Variants in CEP350 observed in about 807,000 individuals in gnomAD.
The protein encoded by CEP350 is centrosomal protein 350.
A neutral mutation model predicts 331.8 loss-of-function variants in CEP350; 126 were observed. The ratio of observed to expected loss-of-function variants is 0.38; its 90% CI spans 0.33 to 0.44. The LOEUF is 0.44. Among genes scored for constraint, CEP350 ranks in the 20% least tolerant of loss-of-function variants. The pLI, the probability that CEP350 is intolerant of heterozygous loss-of-function variation, is 1.00. For synonymous variants in CEP350, 1,200 were observed against 1,259.5 expected (o/e 0.95, Z 1.00); for missense variants, 3,406 against 3,634.6 (o/e 0.94, Z 1.62).
chr1:179,971,316 A>T (rs1333320328), intron 1 of CEP350, among the ~76,000 whole-genome samples: 1 of 152,022 alleles, frequency 6.6e-6, no homozygotes, highest in Non-Finnish European at 1.5e-5. Context: ...GGCGTGAGCC[A>T]CTGCGCCCTG....
chr1:180,036,504 A>G (rs1656365736), intron 16 of CEP350, among the ~76,000 whole-genome samples: 1 of 152,358 alleles, frequency 6.6e-6, no homozygotes, highest in African/African-American at 2.4e-5. Context: ...AGCAACCACC[A>G]TGATCAGTCA....
At chr1:180,003,065 A>G in intron 6 of CEP350, 109 bp from the exon 7 acceptor site, 1 of 688,346 alleles carries the variant, frequency 1.5e-6, no homozygotes, top group South Asian at 2.0e-5. Context: ...TGTAACACTA[A>G]AAGAGTGAAT....
intron 1 of CEP350, among the ~76,000 whole-genome samples, chr1:179,971,013 CTTTTTG>C (rs1651406674): frequency 6.7e-6 from 1 of 148,834 alleles, no homozygotes; most frequent in African/African-American, 2.5e-5. Flanking sequence ...AAAATAATAA[CTTTTTG>C]TTGTTGTTGT....
chr1:180,048,849 G>C (rs1476260112), intron 22 of CEP350, 144 bp downstream of exon 22: 19 of 671,358 alleles, frequency 2.8e-5, no homozygotes, highest in South Asian at 1.9e-4. Flanking sequence ...TGGGAGAATT[G>C]CTTGAGCCTA....
intron 22 of CEP350, 148 bp downstream of exon 22, chr1:180,048,853 G>A (rs1571920729): frequency 3.0e-6 from 2 of 658,544 alleles, no homozygotes; most frequent in African/African-American, 1.8e-5. Flanking sequence ...AGAATTGCTT[G>A]AGCCTAGGAG....
chr1:180,048,578 A>G lies in CEP350; in HGVS notation c.4665A>G (p.Pro1555=). The part of the protein sequence containing the change: ...GSSRQESPSV[P]SCKENEKKLN... ...GCCGCCAAGAAAGTCCTTCAGTTCC[A>G]TCTTGTAAGGAAAATGAGAAGAAAC... The change falls in exon 22 of 38, where the codon CCA becomes CCG. Residue 1555 remains proline, a synonymous_variant. Coordinates refer to ENST00000367607, the MANE Select transcript of CEP350 (RefSeq NM_014810.5). 1 of 1,610,516 alleles carries G rather than the reference A, an allele frequency of 6.2e-7. No homozygotes were observed. Among genetic ancestry groups the G allele is most frequent in the Non-Finnish European group, 8.5e-7 (1 of 1,176,868 alleles).
At chr1:180,107,490 G>A (rs1661210013) in intron 37 of CEP350, among the ~76,000 whole-genome samples, 1 of 152,160 alleles carries the variant, frequency 6.6e-6, no homozygotes, top group African/African-American at 2.4e-5. Context: ...CCAACATGGT[G>A]AAACCCCATC....
At chr1:180,078,989 C>G (rs1183756871) in intron 29 of CEP350, among the ~76,000 whole-genome samples, 1 of 152,048 alleles carries the variant, frequency 6.6e-6, no homozygotes, top group African/African-American at 2.4e-5. Flanking sequence ...ATAACAAAAA[C>G]AGTAAGATCT....
chr1:180,034,156 G>T, intron 16 of CEP350, 74 bp downstream of exon 16: 1 of 1,457,654 alleles, frequency 6.9e-7, no homozygotes, highest in Non-Finnish European at 9.3e-7. Flanking sequence ...CCTTTTCTTT[G>T]TTTGAGTTGA....
intron 37 of CEP350, among the ~76,000 whole-genome samples, chr1:180,103,374 C>T (rs531293999): frequency 1.3e-5 from 2 of 152,020 alleles, no homozygotes; most frequent in East Asian, 3.9e-4. Flanking sequence ...ATTTTACAGG[C>T]TGCTCTTCGT....
intron 14 of CEP350, among the ~76,000 whole-genome samples, chr1:180,031,011 A>T (rs1360262947): frequency 3.9e-5 from 6 of 151,900 alleles, no homozygotes; most frequent in Admixed American, 3.9e-4. Flanking sequence ...CTTTTTGGTT[A>T]CTTTTTCATA....
At chr1:179,982,244 C>T (rs1652326539) in intron 1 of CEP350, among the ~76,000 whole-genome samples, 1 of 152,172 alleles carries the variant, frequency 6.6e-6, no homozygotes, top group African/African-American at 2.4e-5. Context: ...GATGACTATC[C>T]TCACTTCTAG....
chr1:180,060,116 G>T (rs1219376333), intron 25 of CEP350, among the ~76,000 whole-genome samples: 1 of 152,060 alleles, frequency 6.6e-6, no homozygotes, highest in Non-Finnish European at 1.5e-5. Flanking sequence ...ACTCATTAGG[G>T]AATGAGAATA....
intron 27 of CEP350, among the ~76,000 whole-genome samples, chr1:180,065,597 C>T (rs1331800781): frequency 6.6e-6 from 1 of 151,612 alleles, no homozygotes; most frequent in Non-Finnish European, 1.5e-5. Flanking sequence ...GCCTGGGCAA[C>T]GTAGTGAGAC....
At chr1:180,100,910 C>T (rs1660765272) in intron 37 of CEP350, among the ~76,000 whole-genome samples, 1 of 152,202 alleles carries the variant, frequency 6.6e-6, no homozygotes, top group Admixed American at 6.5e-5. Flanking sequence ...CCCTGGGTCC[C>T]TCCCACACAC....
In CEP350 at chr1:180,003,213, G is replaced by A; in HGVS notation, c.1058G>A (p.Gly353Glu). The part of the protein sequence containing the change: ...PSETKIRTPD[G>E]KVWQEAEFQN... Reference sequence around the variant, plus strand: ...GAGACCAAGATTCGAACACCTGATGGGAAAGTGTGGCAGGAGGCTGAGTTT... The same window carrying A: ...GAGACCAAGATTCGAACACCTGATGAGAAAGTGTGGCAGGAGGCTGAGTTT... Residue 353 changes from glycine to glutamate, a missense_variant, in exon 7 of 38, where the codon GGG becomes GAG. Around this residue, in one of 5 missense-constraint regions of CEP350, gnomAD observed 1,857 missense variants for 1,909.2 expected, o/e 0.97. Transcript: ENST00000367607. The A allele has an allele frequency of 6.2e-7, 1 of 1,613,424 alleles. No homozygotes were observed. Among genetic ancestry groups the A allele is most frequent in the Non-Finnish European group, 8.5e-7 (1 of 1,179,684 alleles).
chr1:179,983,247 T>G (rs1466523906), intron 1 of CEP350, among the ~76,000 whole-genome samples: 2 of 152,180 alleles, frequency 1.3e-5, no homozygotes. Flanking sequence ...TGGAACTTTT[T>G]TTTTTGAGAC....
In CEP350 at chr1:180,113,298, T is replaced by C. The variant is rs1346537094; in HGVS notation, c.*2137T>C. The C allele has an allele frequency of 6.6e-6, 1 of 152,192 alleles. No individual in the cohort carries two copies. Among genetic ancestry groups the C allele is most frequent in the Non-Finnish European group, 1.5e-5 (1 of 68,024 alleles). The allele number at this position is 152,192 out of a possible 1,614,324, so 9.4% of individuals were successfully genotyped here. A position where few individuals can be genotyped will look rare whatever the true frequency, so the allele number is the denominator to read the frequency against. ...TGTTATAATGGGACTGTAGGTTGTT[T>C]TTCTACATCTTCATTATTTGGACCT... On this transcript the variant is annotated 3_prime_UTR_variant, in exon 38 of 38. Transcript: ENST00000367607.
At chr1:180,092,418 A>G (rs1313281755) in intron 33 of CEP350, among the ~76,000 whole-genome samples, 196 bp from the exon 34 acceptor site, 1 of 152,208 alleles carries the variant, frequency 6.6e-6, no homozygotes, top group African/African-American at 2.4e-5. Flanking sequence ...AAACTTTAGA[A>G]TTTTCAGTAA....
Sources: allele counts gnomAD v4.1 joint callset (sites outside exome capture counted in the v4.1 genomes callset), GRCh38; gene constraint gnomAD v4.1.1; regional missense constraint gnomAD v4.1.1; transcripts MANE v1.5; gene names NCBI Gene and HGNC (gene_info 2026-07-23, HGNC 2026-07-21).